Variants in GNG7 observed in about 807,000 individuals in gnomAD.
GNG7 encodes guanine nucleotide-binding protein G(I)/G(S)/G(O) subunit gamma-7.
A neutral mutation model predicts 4.0 loss-of-function variants in GNG7; 1 was observed. The observed-to-expected ratio is 0.25, with a 90% CI of 0.09 to 1.18. The LOEUF (loss-of-function observed/expected upper bound fraction) is 1.18, where lower values mean the gene tolerates loss of function less well. GNG7 is among the 50% of genes most tolerant of loss of function. The pLI is 0.50. For synonymous variants in GNG7, 34 were observed against 36.9 expected (o/e 0.92, Z 0.29); for missense variants, 86 against 91.9 (o/e 0.94, Z 0.26).
chr19:2,512,241 C>T lies in GNG7; in HGVS notation c.*2781G>A, dbSNP rs561768239. The stretch of plus-strand genomic sequence containing the variant: ...CTCCTGGAAACGCCCATAAAACATG[C>T]GTTCACCCCAGGGATTCCCGGCAGA... On this transcript the variant is annotated 3_prime_UTR_variant, in exon 5 of 5. Transcript: ENST00000382159. The surrounding 1 kb of genome is among the most constrained non-coding windows in gnomAD (Gnocchi z 4.7). 1.3e-5 allele frequency: 13 copies of T among 985,876 alleles called. No homozygotes were observed. The highest frequency in any genetic ancestry group is 4.7e-5 in the South Asian group (1 of 21,292). 61.1% of individuals were successfully genotyped at this position (985,876 alleles called of 1,614,324 possible). A position where few individuals can be genotyped will look rare whatever the true frequency, so the allele number is the denominator to read the frequency against.
intron 4 of GNG7, among the ~76,000 whole-genome samples, chr19:2,518,869 C>T (rs1451961247): frequency 6.6e-6 from 1 of 152,068 alleles, no homozygotes; most frequent in Non-Finnish European, 1.5e-5. Flanking sequence ...AATCTCAGCT[C>T]ACTGCAACCT....
chr19:2,624,797 G>T (rs1054821152), intron 2 of GNG7, among the ~76,000 whole-genome samples: 1 of 152,236 alleles, frequency 6.6e-6, no homozygotes, highest in Non-Finnish European at 1.5e-5. Context: ...CAGGCAGAGG[G>T]CAGGCGGGCA....
chr19:2,593,692 C>A (rs564614769), intron 2 of GNG7, among the ~76,000 whole-genome samples: 1 of 150,738 alleles, frequency 6.6e-6, no homozygotes, highest in South Asian at 2.1e-4. Flanking sequence ...TGCAGTGAGC[C>A]GAGATTGTGC....
intron 1 of GNG7, among the ~76,000 whole-genome samples, chr19:2,690,504 G>A (rs978127773): frequency 2.0e-5 from 3 of 152,312 alleles, no homozygotes; most frequent in Admixed American, 6.5e-5. Context: ...TGGACTGGAC[G>A]TGCTCCAAGC....
At chr19:2,518,953 G>T (rs140041301) in intron 4 of GNG7, among the ~76,000 whole-genome samples, 1 of 151,304 alleles carries the variant, frequency 6.6e-6, no homozygotes, top group South Asian at 2.1e-4. Context: ...CTGCCACCAC[G>T]CCTGGCTAAT....
intron 2 of GNG7, among the ~76,000 whole-genome samples, chr19:2,597,511 C>T (rs1257798909): frequency 6.8e-6 from 1 of 147,376 alleles, no homozygotes; most frequent in South Asian, 2.2e-4. Flanking sequence ...GCAGGAGAAT[C>T]GCTTGAACCC....
At chr19:2,623,400 A>G (rs1007752138) in intron 2 of GNG7, among the ~76,000 whole-genome samples, 1 of 152,014 alleles carries the variant, frequency 6.6e-6, no homozygotes, top group Non-Finnish European at 1.5e-5. Flanking sequence ...CTGTTCACTC[A>G]TGTTCACAGC....
chr19:2,662,703 C>A (rs977309154), intron 1 of GNG7, among the ~76,000 whole-genome samples: 3 of 152,148 alleles, frequency 2.0e-5, no homozygotes, highest in African/African-American at 7.2e-5. Context: ...GTTCTCCAAA[C>A]CCCGTCCTTT....
At chr19:2,680,275 G>A (rs926569541) in intron 1 of GNG7, among the ~76,000 whole-genome samples, 2 of 148,466 alleles carry the variant, frequency 1.3e-5, no homozygotes, top group Non-Finnish European at 3.0e-5. Context: ...TAGCCTCCCC[G>A]AGTAACTGGG....
chr19:2,530,297 C>A (rs889894320), intron 3 of GNG7, among the ~76,000 whole-genome samples: 3 of 151,762 alleles, frequency 2.0e-5, no homozygotes, highest in Non-Finnish European at 2.9e-5. Context: ...CCTGTAGTCC[C>A]AGCTACTTGG....
In GNG7 at chr19:2,579,448, C is replaced by T. The variant is rs565549817; in HGVS notation, c.-77-24260G>A. 4.3e-4 allele frequency among the ~76,000 whole-genome samples: 65 copies of T among 152,338 alleles called. 1 individual carries two copies. Among genetic ancestry groups the T allele is most frequent in the Non-Finnish European group, 1.2e-4 (8 of 68,012 alleles). ...GCGACCGGGAAGATAGCAGAGTCAA[C>T]AGGGCGGGTGCAGGAAAGGGCGCTC... On this transcript the variant is annotated intron_variant, in intron 2 of 4. Coordinates refer to ENST00000382159, the MANE Select transcript of GNG7 (RefSeq NM_052847.3).
chr19:2,525,661 G>A (rs963665272), intron 3 of GNG7, among the ~76,000 whole-genome samples: 3 of 152,162 alleles, frequency 2.0e-5, no homozygotes, highest in Non-Finnish European at 2.9e-5. Context: ...TGGGACCACA[G>A]GGACCCCCAG....
intron 2 of GNG7, among the ~76,000 whole-genome samples, chr19:2,613,259 C>T (rs1379272492): frequency 6.6e-6 from 1 of 152,198 alleles, no homozygotes; most frequent in Non-Finnish European, 1.5e-5. Context: ...TTGAACTATA[C>T]GTTGAATTAG....
rs1491251475 is a variant in GNG7, at chr19:2,609,009, ATT to A, written c.-78+37213_-78+37214del. 3.1e-3 allele frequency among the ~76,000 whole-genome samples: 307 copies of A among 98,466 alleles called. 2 individuals carry two copies. The highest frequency in any genetic ancestry group is 8.9e-3 in the African/African-American group (292 of 32,650). The allele number at this position is 98,466 out of a possible 152,430, so 64.6% of individuals were successfully genotyped here. A position where few individuals can be genotyped will look rare whatever the true frequency, so the allele number is the denominator to read the frequency against. ...CATCATGCCTACCTAGTTCTTGTACATTCTCTCTCTCTCTCTCTCTCTCTTTT... is the reference window on the plus strand; with the variant it reads ...CATCATGCCTACCTAGTTCTTGTACACTCTCTCTCTCTCTCTCTCTCTTTT... On this transcript the variant is annotated intron_variant, in intron 2 of 4. Coordinates refer to ENST00000382159, the MANE Select transcript of GNG7 (RefSeq NM_052847.3). This position sits in a 1 kb window ranked among gnomAD's most constrained non-coding sequence, Gnocchi z 4.4.
chr19:2,601,085 G>A (rs1981184526), intron 2 of GNG7, among the ~76,000 whole-genome samples: 1 of 151,872 alleles, frequency 6.6e-6, no homozygotes, highest in Non-Finnish European at 1.5e-5. Flanking sequence ...CAGTGAGCTA[G>A]GATCACGCCA....
In GNG7 at chr19:2,519,146, C is replaced by CTTT. The variant is rs71178282; in HGVS notation, c.81+1459_81+1461dup. 3.5e-3 allele frequency among the ~76,000 whole-genome samples: 296 copies of CTTT among 84,508 alleles called. 1 individual carries two copies. Among genetic ancestry groups the CTTT allele is most frequent in the Non-Finnish European group, 4.9e-3 (225 of 45,514 alleles). The allele number at this position is 84,508 out of a possible 152,430, so 55.4% of individuals were successfully genotyped here. ...TGTGAAGGTTGTTTTTTTCTTGTTT[C>CTTT]TTTTTTTTTTTTTTTTTTTTTTGAG... On this transcript the variant is annotated intron_variant, in intron 4 of 4. Coordinates refer to ENST00000382159, the MANE Select transcript of GNG7 (RefSeq NM_052847.3).
At chr19:2,547,128 C>T (rs1979156136) in intron 3 of GNG7, among the ~76,000 whole-genome samples, 3 of 151,802 alleles carry the variant, frequency 2.0e-5, no homozygotes, top group African/African-American at 4.8e-5. Flanking sequence ...GATGTCATCC[C>T]CTCTGAGAAG....
At chr19:2,581,531 C>T (rs922350694) in intron 2 of GNG7, among the ~76,000 whole-genome samples, 17 of 152,230 alleles carry the variant, frequency 1.1e-4, no homozygotes, top group Admixed American at 3.9e-4. Context: ...AACACAGCAG[C>T]AAAGCTGTGT....
rs376824787 is a variant in GNG7, at chr19:2,546,355, CTG to C, written c.-38+8792_-38+8793del. Reference sequence around the variant, plus strand: ...CGCCCAGCAGGGCCTGGGAGGGCGGCTGTGTGTGGGGCCTTCCGTGCCAGCTC... The same window carrying C: ...CGCCCAGCAGGGCCTGGGAGGGCGGCTGTGTGGGGCCTTCCGTGCCAGCTC... On this transcript the variant is annotated intron_variant, in intron 3 of 4. Transcript: ENST00000382159. This position sits in a 1 kb window ranked among gnomAD's most constrained non-coding sequence, Gnocchi z 6.3. 4.6e-5 allele frequency among the ~76,000 whole-genome samples: 7 copies of C among 152,244 alleles called. No homozygotes were observed. Among genetic ancestry groups the C allele is most frequent in the African/African-American group, 1.2e-4 (5 of 41,476 alleles).
Sources: gnomAD v4.1 joint callset for allele counts (sites outside exome capture counted in the v4.1 genomes callset) on GRCh38, gnomAD v4.1.1 for gene constraint, Gnocchi (gnomAD v3.1) non-coding constraint, MANE v1.5 for transcripts, NCBI Gene and HGNC (gene_info 2026-07-23, HGNC 2026-07-21) for gene names.